SH3TC1: variants seen among roughly 807,000 people sequenced by gnomAD.
The protein encoded by SH3TC1 is SH3 domain and tetratricopeptide repeats 1.
Under a neutral mutation model 117.3 loss-of-function variants are expected in SH3TC1, and 135 were observed. That is an observed-to-expected ratio of 1.15 (90% confidence interval 1.00 to 1.33). The LOEUF is 1.33. Among genes scored for constraint, SH3TC1 ranks in the 40% most tolerant of loss-of-function variants. The probability of loss-of-function intolerance (pLI) is 0.00; values close to 1 mark genes in which losing one functional copy is unlikely to be tolerated. For synonymous variants in SH3TC1, 898 were observed against 816.9 expected (o/e 1.10, Z -1.69); for missense variants, 2,092 against 1,794.3 (o/e 1.17, Z -3.00).
chr4:8,204,218 C>T (rs148602516), intron 1 of SH3TC1, among the ~76,000 whole-genome samples: 4 of 152,188 alleles, frequency 2.6e-5, no homozygotes, highest in Non-Finnish European at 4.4e-5. Context: ...GACGAGTCCA[C>T]GCACCGGAAA....
rs896169811 is a variant in SH3TC1, at chr4:8,222,715, C to A, written c.1113-125C>A. 19 of 1,215,982 alleles carry A rather than the reference C, an allele frequency of 1.6e-5. 1 individual carries two copies. The highest frequency in any genetic ancestry group is 1.2e-4 in the South Asian group (8 of 68,160). 75.3% of individuals were successfully genotyped at this position (1,215,982 alleles called of 1,614,324 possible). ...TGTTGTTTTTAAATCTCTGTCTCTA[C>A]CCCTGGGCAGAGAGTAGTGCTCCGA... On this transcript the variant is annotated intron_variant, in intron 9 of 17. Transcript: ENST00000245105.
intron 9 of SH3TC1, 112 bp downstream of exon 9, chr4:8,219,642 G>A (rs971487640): frequency 6.7e-6 from 8 of 1,185,956 alleles, no homozygotes; most frequent in Non-Finnish European, 9.1e-6. Context: ...CACTGTGGAC[G>A]ATGCCTAGTC....
rs1720389448 is a variant in SH3TC1, at chr4:8,225,629, T to A, written c.1285+413T>A. Among the ~76,000 whole-genome samples, 1 of 152,174 alleles carries A rather than the reference T, an allele frequency of 6.6e-6. No homozygotes were observed. The highest frequency in any genetic ancestry group is 2.4e-5 in the African/African-American group (1 of 41,438). ...AGCCTTAGGTTGCAGGGGCCTCAAC[T>A]GAGGTCCCTCAAGGGTCTGCTCCTT... On this transcript the variant is annotated intron_variant, in intron 11 of 17. Transcript: ENST00000245105. This position sits in a 1 kb window ranked among gnomAD's most constrained non-coding sequence, Gnocchi z 5.5.
At position 8,227,257 on chromosome 4, in the gene SH3TC1, G is replaced by A. The variant is rs1177169533; in HGVS notation, c.1563G>A (p.Val521=). ...CCAGCTTCCGTGGCCTGTACGATGT[G>A]GCGCTGCCGTGGCTGAGCAGCGTGT... ...YKASFRGLYD[V]ALPWLSSVFR... Residue 521 remains valine, a synonymous_variant, in exon 12 of 18, where the codon GTG becomes GTA. Transcript: ENST00000245105. 6.3e-7 allele frequency: 1 copy of A among 1,598,370 alleles called. No individual in the cohort carries two copies. Among genetic ancestry groups the A allele is most frequent in the Admixed American group, 1.7e-5 (1 of 57,514 alleles).
At position 8,240,799 on chromosome 4, in the gene SH3TC1, C is replaced by A. The variant is rs1373701910; in HGVS notation, c.3855C>A (p.Thr1285=). Residue 1285 remains threonine, a synonymous_variant, in exon 18 of 18, where the codon ACC becomes ACA. Coordinates refer to ENST00000245105, the MANE Select transcript of SH3TC1 (RefSeq NM_018986.5). ...AQLKIYTRLA[T]IYHNFLLDRE... ...TGAAGATCTACACGCGGCTGGCCAC[C>A]ATCTACCACAACTTCCTCCTGGACC... 6.2e-7 allele frequency: 1 copy of A among 1,614,132 alleles called. No homozygotes were observed. The highest frequency in any genetic ancestry group is 8.5e-7 in the Non-Finnish European group (1 of 1,180,038).
intron 1 of SH3TC1, among the ~76,000 whole-genome samples, chr4:8,202,152 G>A (rs1717881270): frequency 6.6e-6 from 1 of 152,186 alleles, no homozygotes. Context: ...CAGACTCAGG[G>A]CCAGGTGGTG....
chr4:8,212,077 T>C (rs967264412), intron 3 of SH3TC1, among the ~76,000 whole-genome samples: 1 of 151,742 alleles, frequency 6.6e-6, no homozygotes, highest in African/African-American at 2.4e-5. Flanking sequence ...TGGTGGCTGA[T>C]GTGGTGTGTG....
chr4:8,224,328 A>C (rs1259756655), intron 10 of SH3TC1, among the ~76,000 whole-genome samples: 2 of 152,210 alleles, frequency 1.3e-5, no homozygotes, highest in African/African-American at 4.8e-5. Context: ...TCCCTTCCTG[A>C]ATGGACAAAC....
rs1721750861 is a variant in SH3TC1 at position 8,235,715 on chromosome 4, C to A, written c.3405+160C>A. ...TTCACCGGGAATGATATTGACTGTG[C>A]CCCCCGCCCGGGACAAACACTTGGG... On this transcript the variant is annotated intron_variant, in intron 15 of 17. Coordinates refer to ENST00000245105, the MANE Select transcript of SH3TC1 (RefSeq NM_018986.5). 7 of 1,040,340 alleles carry A rather than the reference C, an allele frequency of 6.7e-6. No individual in the cohort carries two copies. In the South Asian group the frequency reaches 8.7e-5, roughly 13 times the overall value. The allele number at this position is 1,040,340 out of a possible 1,614,324, so 64.4% of individuals were successfully genotyped here. A position where few individuals can be genotyped will look rare whatever the true frequency, so the allele number is the denominator to read the frequency against.
intron 11 of SH3TC1, among the ~76,000 whole-genome samples, chr4:8,226,721 G>C (rs1391253730): frequency 6.6e-6 from 1 of 152,230 alleles, no homozygotes. Flanking sequence ...AAGGAGGACA[G>C]GAGGGTGATT....
Position 8,227,479 on chromosome 4 carries a change from G to C in SH3TC1, c.1785G>C (p.Gly595=). 6.4e-7 allele frequency: 1 copy of C among 1,565,650 alleles called. No homozygotes were observed. Among genetic ancestry groups the C allele is most frequent in the Non-Finnish European group, 8.6e-7 (1 of 1,161,386 alleles). ...EALGALEGSF[G]DLFLVVAVYA... ...TGGGGGCCCTGGAGGGCAGCTTCGG[G>C]GACCTGTTCCTAGTGGTGGCTGTGT... The change falls in exon 12 of 18, where the codon GGG becomes GGC. Residue 595 remains glycine, a synonymous_variant. Transcript: ENST00000245105.
intron 1 of SH3TC1, chr4:8,204,741 T>A (rs1983342): frequency 0.18 from 28,033 of 154,130 alleles, 2,722 homozygotes; most frequent in East Asian, 0.24. Flanking sequence ...TTTGTGACGC[T>A]GGAAGGGGGA....
upstream of SH3TC1, among the ~76,000 whole-genome samples, chr4:8,196,531 G>C (rs1717561932): frequency 6.6e-6 from 1 of 152,220 alleles, no homozygotes. The surrounding 1 kb of genome is among the most constrained non-coding windows in gnomAD (Gnocchi z 4.6). Context: ...TGGGTGCCCA[G>C]AGTTGCACCC....
At chr4:8,219,741 A>G (rs189278292) in intron 9 of SH3TC1, among the ~76,000 whole-genome samples, 13 of 152,300 alleles carry the variant, frequency 8.5e-5, no homozygotes, top group African/African-American at 7.2e-5. Flanking sequence ...TGCTGCAGGG[A>G]GAGCGTTCCC....
In SH3TC1 at chr4:8,186,126, A is replaced by T. The variant is rs576147393; in HGVS notation, c.-57+3916A>T. Among the ~76,000 whole-genome samples the T allele has an allele frequency of 3.3e-5, 5 of 152,138 alleles. No individual in the cohort carries two copies. In the South Asian group the frequency reaches 1.0e-3, roughly 32 times the overall value. On this transcript the variant is annotated intron_variant, in intron 1 of 16. Coordinates refer to the SH3TC1 transcript ENST00000508641. The surrounding 1 kb of genome is among the most constrained non-coding windows in gnomAD (Gnocchi z 5.2). ...TTTTTTCCTCTGGTGCTTGAAGTGG[A>T]GGTCAGCTTCTCAAGCGGGGTTTAA... is the stretch of plus-strand genomic sequence containing the variant.
chr4:8,206,712 T>G lies in SH3TC1; in HGVS notation c.172+1346T>G, dbSNP rs896787522. Among the ~76,000 whole-genome samples the G allele has an allele frequency of 1.3e-5, 2 of 152,218 alleles. No individual in the cohort carries two copies. The highest frequency in any genetic ancestry group is 4.8e-5 in the African/African-American group (2 of 41,454). On this transcript the variant is annotated intron_variant, in intron 2 of 17. Transcript: ENST00000245105. This position sits in a 1 kb window ranked among gnomAD's most constrained non-coding sequence, Gnocchi z 5.5. ...CATCAGCTCCTTCACCTCCTCGTCT[T>G]CTCTGGACAATTTCAGATAGACATC...
At chr4:8,218,171 T>A (rs1173914337) in intron 7 of SH3TC1, 100 bp from the exon 8 acceptor site, 5 of 750,904 alleles carry the variant, frequency 6.7e-6, no homozygotes, top group Non-Finnish European at 1.1e-5. Context: ...AGGGACCTGC[T>A]CAGGTTGCTG....
intron 12 of SH3TC1, among the ~76,000 whole-genome samples, chr4:8,229,885 A>G (rs1720991040): frequency 1.3e-5 from 2 of 151,746 alleles, no homozygotes; most frequent in Non-Finnish European, 2.9e-5. Context: ...TTGGAAACGC[A>G]GGCCAGGGAA....
rs1438317197 is a variant in SH3TC1, at chr4:8,235,423, C to T, written c.3283-10C>T. The T allele has an allele frequency of 2.7e-6, 4 of 1,489,876 alleles. No individual in the cohort carries two copies. The highest frequency in any genetic ancestry group is 3.6e-6 in the Non-Finnish European group (4 of 1,112,458). The allele number at this position is 1,489,876 out of a possible 1,614,324, so 92.3% of individuals were successfully genotyped here. A position where few individuals can be genotyped will look rare whatever the true frequency, so the allele number is the denominator to read the frequency against. On this transcript the variant is annotated splice_polypyrimidine_tract_variant and intron_variant, in intron 14 of 17. Coordinates refer to ENST00000245105, the MANE Select transcript of SH3TC1 (RefSeq NM_018986.5). Reference sequence around the variant, plus strand: ...GTGTGGGTCTTGAGGGAACTTCTGCCTCCTTTCAGGTGGCACAGAACGTGG... The same window carrying T: ...GTGTGGGTCTTGAGGGAACTTCTGCTTCCTTTCAGGTGGCACAGAACGTGG...
Sources: gnomAD v4.1 joint callset for allele counts (sites outside exome capture counted in the v4.1 genomes callset) on GRCh38, gnomAD v4.1.1 for gene constraint, Gnocchi (gnomAD v3.1) non-coding constraint, MANE v1.5 for transcripts, NCBI Gene and HGNC (gene_info 2026-07-23, HGNC 2026-07-21) for gene names.